Variants in COBLL1 observed in about 807,000 individuals in gnomAD.
COBLL1 encodes cordon-bleu protein-like 1.
Under a neutral mutation model 94.8 loss-of-function variants are expected in COBLL1, and 50 were observed. The ratio of observed to expected loss-of-function variants is 0.53; its 90% CI spans 0.42 to 0.67. The LOEUF is 0.67. Among genes scored for constraint, COBLL1 ranks in the 30% least tolerant of loss-of-function variants. The pLI is 0.00. For missense variants in COBLL1, 1,362 were observed against 1,348.7 expected (o/e 1.01, Z -0.15); for synonymous variants, 448 against 473.8 (o/e 0.95, Z 0.71).
rs369038962 is a variant in COBLL1, at chr2:164,682,386, T to A, written c.*3560A>T. 4 of 152,252 alleles carry A rather than the reference T, an allele frequency of 2.6e-5. No homozygotes were observed. Among genetic ancestry groups the A allele is most frequent in the African/African-American group, 9.6e-5 (4 of 41,476 alleles). 9.4% of individuals were successfully genotyped at this position (152,252 alleles called of 1,614,324 possible). ...TTAGTTCTTTGATACTTATTTTCTC[T>A]ACTGGTAGTGGGTACAAAGTAAACT... On this transcript the variant is annotated 3_prime_UTR_variant, in exon 14 of 14. Coordinates refer to ENST00000652658, the MANE Select transcript of COBLL1 (RefSeq NM_001365672.2).
At chr2:164,818,348 A>ATACACG (rs1684945512) in intron 2 of COBLL1, among the ~76,000 whole-genome samples, 1 of 149,414 alleles carries the variant, frequency 6.7e-6, no homozygotes, top group Admixed American at 6.7e-5. Flanking sequence ...ATATATACAT[A>ATACACG]TGTGCATATA....
chr2:164,740,818 C>A (rs560288347), intron 3 of COBLL1, among the ~76,000 whole-genome samples: 23 of 152,170 alleles, frequency 1.5e-4, no homozygotes, highest in African/African-American at 4.8e-4. Flanking sequence ...ATCAGGGAGC[C>A]TTTATATAAA....
chr2:164,760,832 T>G (rs1574537867), intron 2 of COBLL1, among the ~76,000 whole-genome samples: 1 of 152,234 alleles, frequency 6.6e-6, no homozygotes, highest in Non-Finnish European at 1.5e-5. Context: ...TTATAACACA[T>G]GTTGGCTTCA....
chr2:164,731,438 T>C (rs1686007008), intron 3 of COBLL1, among the ~76,000 whole-genome samples: 1 of 152,216 alleles, frequency 6.6e-6, no homozygotes, highest in Admixed American at 6.5e-5. Context: ...CAGACTTATA[T>C]TTTCATTCAT....
At chr2:164,766,285 G>C (rs1476888345) in intron 2 of COBLL1, among the ~76,000 whole-genome samples, 3 of 151,886 alleles carry the variant, frequency 2.0e-5, no homozygotes, top group South Asian at 2.1e-4. Context: ...ACCCTTTTTT[G>C]TATGTGATAT....
intron 2 of COBLL1, among the ~76,000 whole-genome samples, chr2:164,818,789 A>G (rs1685017665): frequency 7.4e-6 from 1 of 134,672 alleles, no homozygotes; most frequent in South Asian, 2.1e-4. Context: ...TATACATATA[A>G]TTTTTTTTCG....
chr2:164,828,971 G>C (rs1371948051), intron 2 of COBLL1, among the ~76,000 whole-genome samples: 1 of 152,176 alleles, frequency 6.6e-6, no homozygotes, highest in Non-Finnish European at 1.5e-5. Flanking sequence ...TGTGAAGGAA[G>C]TGGGTGACAG....
chr2:164,674,296 T>C (rs1691300610), intron 1 of COBLL1, among the ~76,000 whole-genome samples: 1 of 152,200 alleles, frequency 6.6e-6, no homozygotes, highest in African/African-American at 2.4e-5. Context: ...CTTGACCTCG[T>C]GATCTGCCCA....
intron 7 of COBLL1, among the ~76,000 whole-genome samples, chr2:164,718,025 A>G (rs1685260231): frequency 6.6e-6 from 1 of 152,266 alleles, no homozygotes; most frequent in Non-Finnish European, 1.5e-5. Flanking sequence ...TGGTCCAATT[A>G]CCATAAAAGT....
chr2:164,803,769 C>A (rs75996479), intron 2 of COBLL1, among the ~76,000 whole-genome samples: 2 of 151,892 alleles, frequency 1.3e-5, no homozygotes, highest in African/African-American at 2.4e-5. Context: ...ATTATACACA[C>A]GAAGACAGCC....
chr2:164,740,357 T>TAAAC (rs540815882), intron 3 of COBLL1, among the ~76,000 whole-genome samples: 24 of 152,056 alleles, frequency 1.6e-4, no homozygotes, highest in Admixed American at 5.2e-4. Context: ...AAACCCCATC[T>TAAAC]AAACAAACAA....
intron 2 of COBLL1, among the ~76,000 whole-genome samples, chr2:164,808,362 A>G (rs920148247): frequency 9.2e-5 from 14 of 152,182 alleles, no homozygotes; most frequent in Admixed American, 8.5e-4. Context: ...AGAGGCCCTC[A>G]TGGTAAGGTT....
rs1319235681 is a variant in COBLL1 at position 164,731,116 on chromosome 2, C to T, written c.231-1001G>A. 5.9e-5 allele frequency among the ~76,000 whole-genome samples: 9 copies of T among 152,234 alleles called. No homozygotes were observed. In the East Asian group the frequency reaches 1.2e-3, roughly 20 times the overall value. Reference sequence around the variant, plus strand: ...TAGTCATGCCCGTTTGTTTATATAACGTCTCAGGCTGCTTTTGTGTTAGTT... The same window carrying T: ...TAGTCATGCCCGTTTGTTTATATAATGTCTCAGGCTGCTTTTGTGTTAGTT... On this transcript the variant is annotated intron_variant, in intron 3 of 13. Coordinates refer to ENST00000652658, the MANE Select transcript of COBLL1 (RefSeq NM_001365672.2).
chr2:164,671,971 T>C (rs1469246997), intron 1 of COBLL1, among the ~76,000 whole-genome samples: 1 of 152,242 alleles, frequency 6.6e-6, no homozygotes, highest in Non-Finnish European at 1.5e-5. Context: ...TATGTGTCTA[T>C]ATCTGTGCAT....
intron 13 of COBLL1, among the ~76,000 whole-genome samples, chr2:164,688,598 C>T (rs973461964): frequency 1.3e-5 from 2 of 152,058 alleles, no homozygotes; most frequent in Non-Finnish European, 2.9e-5. Context: ...TTTCACATAG[C>T]TTTCTTTTTT....
intron 2 of COBLL1, among the ~76,000 whole-genome samples, chr2:164,805,695 G>T (rs1397791544): frequency 6.6e-6 from 1 of 151,846 alleles, no homozygotes; most frequent in Non-Finnish European, 1.5e-5. Flanking sequence ...ATATTTCATT[G>T]TATGGGTATA....
At chr2:164,790,016 G>T (rs934408016) in intron 2 of COBLL1, among the ~76,000 whole-genome samples, 1 of 152,058 alleles carries the variant, frequency 6.6e-6, no homozygotes, top group South Asian at 2.1e-4. Flanking sequence ...CAGATGAAGG[G>T]GAAAAATACA....
chr2:164,801,776 A>C (rs1180039452), intron 2 of COBLL1, among the ~76,000 whole-genome samples: 1 of 152,212 alleles, frequency 6.6e-6, no homozygotes, highest in Non-Finnish European at 1.5e-5. Flanking sequence ...TTAAAGTAAA[A>C]GTATCCATGA....
intron 12 of COBLL1, among the ~76,000 whole-genome samples, 172 bp downstream of exon 12, chr2:164,694,097 T>C (rs1009676597): frequency 2.6e-5 from 4 of 152,194 alleles, no homozygotes; most frequent in African/African-American, 9.6e-5. Context: ...AAGTTATAAT[T>C]GTGAGCAAAT....
Sources: gnomAD v4.1 joint callset for allele counts (sites outside exome capture counted in the v4.1 genomes callset) on GRCh38, gnomAD v4.1.1 for gene constraint, MANE v1.5 for transcripts, NCBI Gene and HGNC (gene_info 2026-07-23, HGNC 2026-07-21) for gene names.